DENND2B: variants seen among roughly 807,000 people sequenced by gnomAD.
The protein encoded by DENND2B is DENN domain containing 2B.
A neutral mutation model predicts 116.0 loss-of-function variants in DENND2B; 32 were observed. The ratio of observed to expected loss-of-function variants is 0.28; its 90% confidence interval spans 0.21 to 0.37. DENND2B has a LOEUF of 0.37. Among genes scored for constraint, DENND2B ranks in the 10% least tolerant of loss-of-function variants. The pLI is 1.00. For missense variants in DENND2B, 1,276 were observed against 1,477.7 expected (o/e 0.86, Z 2.24); for synonymous variants, 588 against 583.9 (o/e 1.01, Z -0.10).
chr11:8,819,466 T>C (rs2061686951), intron 4 of DENND2B, among the ~76,000 whole-genome samples: 1 of 152,172 alleles, frequency 6.6e-6, no homozygotes, highest in African/African-American at 2.4e-5. Flanking sequence ...CCAGAGTATT[T>C]ATTAATTACA....
intron 1 of DENND2B, among the ~76,000 whole-genome samples, chr11:8,791,899 TTC>T (rs1565957574): frequency 6.6e-6 from 1 of 152,168 alleles, no homozygotes; most frequent in Non-Finnish European, 1.5e-5. Flanking sequence ...ATCTTAGGTT[TTC>T]TTATCAACAA....
At chr11:8,785,143 C>T (rs2058779796) in intron 1 of DENND2B, 2 of 152,152 alleles carry the variant, frequency 1.3e-5, no homozygotes, top group African/African-American at 4.8e-5. Flanking sequence ...CATCCTTTTA[C>T]TTTTACCCCT....
intron 1 of DENND2B, chr11:8,776,805 T>A (rs1383270766): frequency 6.4e-6 from 1 of 156,368 alleles, no homozygotes; most frequent in African/African-American, 2.4e-5. Context: ...CAACTACCTC[T>A]CCTTAGTGCC....
At chr11:8,710,393 G>A (rs1592519384) in intron 11 of DENND2B, among the ~76,000 whole-genome samples, 1 of 152,094 alleles carries the variant, frequency 6.6e-6, no homozygotes, top group South Asian at 2.1e-4. Flanking sequence ...CCACAGAAAG[G>A]CCTCCTCCCC....
chr11:8,800,875 C>T (rs561317175), intron 1 of DENND2B, among the ~76,000 whole-genome samples: 2 of 152,168 alleles, frequency 1.3e-5, no homozygotes. Context: ...AGATTAGAAC[C>T]TCCTCATCCC....
intron 4 of DENND2B, among the ~76,000 whole-genome samples, chr11:8,821,842 A>C (rs1270880132): frequency 6.6e-6 from 1 of 152,004 alleles, no homozygotes; most frequent in African/African-American, 2.4e-5. Context: ...CCCAGGCTGG[A>C]GTGGAGTGGC....
At chr11:8,798,891 A>C (rs1308452370) in intron 1 of DENND2B, among the ~76,000 whole-genome samples, 1 of 149,568 alleles carries the variant, frequency 6.7e-6, no homozygotes, top group Non-Finnish European at 1.5e-5. Flanking sequence ...GAAACAGCAC[A>C]ATCTCAGCTC....
upstream of DENND2B, among the ~76,000 whole-genome samples, chr11:8,815,479 G>C (rs1286723612): frequency 6.6e-6 from 1 of 151,998 alleles, no homozygotes; most frequent in Admixed American, 6.6e-5. Context: ...CCGATTACAG[G>C]CACAACCACA....
intron 1 of DENND2B, among the ~76,000 whole-genome samples, chr11:8,754,043 A>G (rs1303155292): frequency 1.3e-5 from 2 of 151,884 alleles, no homozygotes; most frequent in African/African-American, 2.4e-5. Flanking sequence ...ACACACACAC[A>G]CACACACACA....
chr11:8,694,392 C>G (rs190056409), intron 19 of DENND2B, among the ~76,000 whole-genome samples: 57 of 152,324 alleles, frequency 3.7e-4, no homozygotes, highest in Admixed American at 2.8e-3. Flanking sequence ...CTATGATTCT[C>G]TGATCTGGCG....
At chr11:8,784,002 C>A (rs187959559) in intron 1 of DENND2B, 2 of 152,152 alleles carry the variant, frequency 1.3e-5, no homozygotes, top group African/African-American at 4.8e-5. Context: ...AATTTTAATA[C>A]GTTTTTCACT....
chr11:8,814,413 C>T (rs1295135178), upstream of DENND2B, among the ~76,000 whole-genome samples: 2 of 152,078 alleles, frequency 1.3e-5, no homozygotes, highest in Non-Finnish European at 2.9e-5. Context: ...TCTTTCAGCA[C>T]ACTTCCTGCC....
At chr11:8,773,781 A>T (rs533050451) in intron 1 of DENND2B, among the ~76,000 whole-genome samples, 2 of 152,200 alleles carry the variant, frequency 1.3e-5, no homozygotes, top group Non-Finnish European at 2.9e-5. Flanking sequence ...TTCTCATAAA[A>T]TGGACCAGAA....
chr11:8,777,774 G>C (rs1247897321), intron 1 of DENND2B, among the ~76,000 whole-genome samples: 2 of 152,174 alleles, frequency 1.3e-5, no homozygotes, highest in Non-Finnish European at 2.9e-5. Context: ...AAAAAAAAGA[G>C]AGAACACCTA....
At chr11:8,859,318 GTTTT>G (rs912568807) in intron 2 of DENND2B, among the ~76,000 whole-genome samples, 15 of 140,700 alleles carry the variant, frequency 1.1e-4, no homozygotes, top group African/African-American at 3.1e-4. Flanking sequence ...TTGTTTGTTT[GTTTT>G]TTTGAGACAG....
intron 1 of DENND2B, among the ~76,000 whole-genome samples, chr11:8,889,378 G>A (rs919410779): frequency 6.6e-6 from 1 of 152,200 alleles, no homozygotes; most frequent in African/African-American, 2.4e-5. Flanking sequence ...TCTCAATGGG[G>A]CTTGTCAGAC....
intron 2 of DENND2B, among the ~76,000 whole-genome samples, chr11:8,862,322 C>CTT (rs557309893): frequency 2.6e-3 from 169 of 64,868 alleles, no homozygotes; most frequent in African/African-American, 8.1e-3. Flanking sequence ...CTTTTTCACT[C>CTT]TTTTTTTTTT....
intron 1 of DENND2B, among the ~76,000 whole-genome samples, chr11:8,898,769 A>G (rs1390044686): frequency 6.6e-6 from 1 of 152,366 alleles, no homozygotes; most frequent in Non-Finnish European, 1.5e-5. Flanking sequence ...TTATAGAAAT[A>G]AATTGTTGAC....
At chr11:8,821,350 A>G (rs1043017142) in intron 4 of DENND2B, among the ~76,000 whole-genome samples, 1 of 151,668 alleles carries the variant, frequency 6.6e-6, no homozygotes, top group Non-Finnish European at 1.5e-5. Flanking sequence ...GCACTTTGGA[A>G]GGCCAAGGTG....
Sources: gnomAD v4.1 joint callset for allele counts (sites outside exome capture counted in the v4.1 genomes callset) on GRCh38, gnomAD v4.1.1 for gene constraint, MANE v1.5 for transcripts, NCBI Gene and HGNC (gene_info 2026-07-23, HGNC 2026-07-21) for gene names.